RIMBP2: variants seen among roughly 807,000 people sequenced by gnomAD.
RIMBP2 encodes RIMS-binding protein 2.
Under a neutral mutation model 118.6 loss-of-function variants are expected in RIMBP2, and 48 were observed. The ratio of observed to expected loss-of-function variants is 0.40; its 90% confidence interval spans 0.32 to 0.51. The LOEUF is 0.51. RIMBP2 is among the 20% of genes least tolerant of loss of function. RIMBP2 has a pLI of 0.41. For synonymous variants in RIMBP2, 762 were observed against 742.9 expected (o/e 1.03, Z -0.42); for missense variants, 1,551 against 1,768.3 (o/e 0.88, Z 2.20).
chr12:130,428,325 G>A lies in RIMBP2; in HGVS notation c.2266C>T (p.His756Tyr), dbSNP rs2076926474. Reference sequence around the variant, plus strand: ...CTCTCTGTGTGGTACTCGTCTCCATGGCAACAGTGCGGCTGGGGGCCAAGA... The same window carrying A: ...CTCTCTGTGTGGTACTCGTCTCCATAGCAACAGTGCGGCTGGGGGCCAAGA... Reference protein sequence around the residue: ...SELGKQPHCCHGDEYHTESSR... With the variant: ...SELGKQPHCCYGDEYHTESSR... Residue 756 changes from histidine (H) to tyrosine (Y), a missense_variant, in exon 15 of 23, where the codon CAT becomes TAT. Around this residue, in one of 5 missense-constraint regions of RIMBP2, gnomAD observed 1,038 missense variants for 1,125.1 expected, o/e 0.92. Transcript: ENST00000690449. The A allele has an allele frequency of 1.2e-6, 2 of 1,609,456 alleles. No individual in the cohort carries two copies. The highest frequency in any genetic ancestry group is 2.2e-5 in the South Asian group (2 of 90,142).
At chr12:130,520,955 C>T (rs73452762) in intron 2 of RIMBP2, among the ~76,000 whole-genome samples, 2,859 of 152,298 alleles carry the variant, frequency 0.019, 98 homozygotes, top group African/African-American at 0.065. Context: ...CAGAGGTGGG[C>T]ATGGGGACGT....
At chr12:130,663,912 T>G (rs1191680203) in intron 1 of RIMBP2, among the ~76,000 whole-genome samples, 1 of 151,618 alleles carries the variant, frequency 6.6e-6, no homozygotes, top group East Asian at 1.9e-4. Flanking sequence ...TGCTCACACA[T>G]ACGAGGCAGG....
rs758094489 is a variant in RIMBP2, at chr12:130,475,149, G to A, written c.102+3763C>T. ...TCATTGTCCCTGGATTCCGGGAGGAGAGCCCTGGGCACTTTCATCACTCAT... is the reference window on the plus strand; with the variant it reads ...TCATTGTCCCTGGATTCCGGGAGGAAAGCCCTGGGCACTTTCATCACTCAT... On this transcript the variant is annotated intron_variant, in intron 5 of 22. Coordinates refer to ENST00000690449, the MANE Select transcript of RIMBP2 (RefSeq NM_001393629.1). The surrounding 1 kb of genome is among the most constrained non-coding windows in gnomAD (Gnocchi z 4.1). Among the ~76,000 whole-genome samples, 3 of 152,220 alleles carry A rather than the reference G, an allele frequency of 2.0e-5. No homozygotes were observed. Among genetic ancestry groups the A allele is most frequent in the Non-Finnish European group, 4.4e-5 (3 of 68,052 alleles).
intron 2 of RIMBP2, among the ~76,000 whole-genome samples, chr12:130,605,711 G>A (rs967334703): frequency 6.6e-6 from 1 of 152,196 alleles, no homozygotes; most frequent in African/African-American, 2.4e-5. Context: ...TGTGCTGTGT[G>A]GGGGTTCATT....
intron 6 of RIMBP2, among the ~76,000 whole-genome samples, chr12:130,466,730 T>C (rs948739327): frequency 6.6e-6 from 1 of 152,220 alleles, no homozygotes; most frequent in Non-Finnish European, 1.5e-5. Flanking sequence ...ACAGTTCCGC[T>C]GAAGTTCACC....
chr12:130,481,969 T>C (rs538150266), intron 4 of RIMBP2, among the ~76,000 whole-genome samples: 11 of 144,264 alleles, frequency 7.6e-5, no homozygotes, highest in African/African-American at 2.7e-4. Context: ...CACCACCAGT[T>C]CACTGTGAGT....
intron 2 of RIMBP2, among the ~76,000 whole-genome samples, chr12:130,586,416 C>T (rs2058884500): frequency 6.6e-6 from 1 of 152,166 alleles, no homozygotes; most frequent in Non-Finnish European, 1.5e-5. Flanking sequence ...AACGCCACAG[C>T]ACTCGAGCCT....
intron 2 of RIMBP2, among the ~76,000 whole-genome samples, chr12:130,615,272 C>CATATAT (rs1555309104): frequency 1.5e-4 from 6 of 38,802 alleles, no homozygotes; most frequent in Non-Finnish European, 1.8e-4. Context: ...ACATAATACA[C>CATATAT]ATACATATAT....
rs1024915457 is a variant in RIMBP2 at position 130,396,595 on chromosome 12, C to T, written c.*766G>A. ...GTATTTGGGTATGGCATTTTGACAA[C>T]GAAAGTAACAGAAAACCATATGCCA... On this transcript the variant is annotated 3_prime_UTR_variant, in exon 23 of 23. Transcript: ENST00000690449. The T allele has an allele frequency of 4.6e-5, 7 of 152,508 alleles. No homozygotes were observed. Among genetic ancestry groups the T allele is most frequent in the Non-Finnish European group, 7.4e-5 (5 of 68,024 alleles). The allele number at this position is 152,508 out of a possible 1,614,324, so 9.4% of individuals were successfully genotyped here. A position where few individuals can be genotyped will look rare whatever the true frequency, so the allele number is the denominator to read the frequency against.
At position 130,442,013 on chromosome 12, in the gene RIMBP2, C is replaced by G; in HGVS notation, c.1339G>C (p.Asp447His). 6.2e-7 allele frequency: 1 copy of G among 1,614,152 alleles called. No individual in the cohort carries two copies. Among genetic ancestry groups the G allele is most frequent in the Non-Finnish European group, 8.5e-7 (1 of 1,180,050 alleles). Reference sequence around the variant, plus strand: ...TTGTACCTGGCGGCCTTGACGATGTCGAACTCCTCCTCGTTGAGGAAGATG... The same window carrying G: ...TTGTACCTGGCGGCCTTGACGATGTGGAACTCCTCCTCGTTGAGGAAGATG... Reference protein sequence around the residue: ...HVIFLNEEEFDIVKAARYKYQ... With the variant: ...HVIFLNEEEFHIVKAARYKYQ... Residue 447 changes from aspartate (D) to histidine (H), a missense_variant, in exon 11 of 23, where the codon GAC becomes CAC. Physicochemically the swap from Asp to His is moderately conservative, Grantham distance 81 (BLOSUM62 -1). Around this residue, in one of 5 missense-constraint regions of RIMBP2, gnomAD observed 265 missense variants for 349.5 expected, o/e 0.76. Transcript: ENST00000690449. This position sits in a 1 kb window ranked among gnomAD's most constrained non-coding sequence, Gnocchi z 6.9.
intron 6 of RIMBP2, among the ~76,000 whole-genome samples, chr12:130,460,886 C>T (rs1304820547): frequency 6.6e-6 from 1 of 152,172 alleles, no homozygotes; most frequent in East Asian, 1.9e-4. Context: ...ACAGTCCCCT[C>T]ACCCAACTGG....
At position 130,523,123 on chromosome 12, in the gene RIMBP2, C is replaced by T. The variant is rs1566191809; in HGVS notation, c.-216-5206G>A. Among the ~76,000 whole-genome samples the T allele has an allele frequency of 6.6e-6, 1 of 152,058 alleles. No homozygotes were observed. Among genetic ancestry groups the T allele is most frequent in the Non-Finnish European group, 1.5e-5 (1 of 68,008 alleles). On this transcript the variant is annotated intron_variant, in intron 2 of 22. Transcript: ENST00000690449. This position sits in a 1 kb window ranked among gnomAD's most constrained non-coding sequence, Gnocchi z 4.4. The stretch of plus-strand genomic sequence containing the variant: ...GCTTCTTCTGTCTCTCCCAGTCTCA[C>T]TCTGCCTCTCTCTCTCTCTCTGCCT...
chr12:130,670,640 C>T lies in RIMBP2; in HGVS notation c.-351-42184G>A, dbSNP rs1173958592. ...AGTACCCTTCTCTCACACCCGCCTC[C>T]ACTAGAGAGGCTGGAAAGGAGAAAC... On this transcript the variant is annotated intron_variant, in intron 1 of 22. Transcript: ENST00000690449. The surrounding 1 kb of genome is among the most constrained non-coding windows in gnomAD (Gnocchi z 4.9). Among the ~76,000 whole-genome samples, 1 of 148,742 alleles carries T rather than the reference C, an allele frequency of 6.7e-6. No homozygotes were observed. The highest frequency in any genetic ancestry group is 1.9e-4 in the East Asian group (1 of 5,194).
chr12:130,447,093 G>A lies in RIMBP2; in HGVS notation c.582-1824C>T. Among the ~76,000 whole-genome samples the A allele has an allele frequency of 6.6e-6, 1 of 151,842 alleles. No homozygotes were observed. The highest frequency in any genetic ancestry group is 6.6e-5 in the Admixed American group (1 of 15,238). ...TCTCGGAGGAGGAGGAGGAGGAGGA[G>A]GGAGCGAGAGGAACAGGAGCCCCCA... On this transcript the variant is annotated intron_variant, in intron 9 of 22. Coordinates refer to ENST00000690449, the MANE Select transcript of RIMBP2 (RefSeq NM_001393629.1). The surrounding 1 kb of genome is among the most constrained non-coding windows in gnomAD (Gnocchi z 4.4).
intron 1 of RIMBP2, among the ~76,000 whole-genome samples, chr12:130,651,646 G>A (rs565484472): frequency 1.1e-4 from 17 of 152,352 alleles, no homozygotes; most frequent in African/African-American, 4.1e-4. Context: ...AACACCCTTC[G>A]AGCTGAATCT....
In RIMBP2 at chr12:130,442,354, C is replaced by T; in HGVS notation, c.998G>A (p.Gly333Asp). Residue 333 changes from glycine to aspartate, a missense_variant, in exon 11 of 23, where the codon GGC (glycine) becomes GAC (aspartate). Transcript: ENST00000690449. This position sits in a 1 kb window ranked among gnomAD's most constrained non-coding sequence, Gnocchi z 6.9. ...TGGTGGCACCGCCGGGGGCTCCCAG[C>T]CCACAATAACACTTTTGGCGAGTTG... ...IKQLAKSVIVGWEPPAVPPGW... is the reference protein window; with the variant it reads ...IKQLAKSVIVDWEPPAVPPGW... The T allele has an allele frequency of 1.9e-6, 3 of 1,614,198 alleles. No individual in the cohort carries two copies. Among genetic ancestry groups the T allele is most frequent in the Non-Finnish European group, 2.5e-6 (3 of 1,180,036 alleles).
At chr12:130,565,583 A>T (rs1392596237) in intron 2 of RIMBP2, among the ~76,000 whole-genome samples, 1 of 152,164 alleles carries the variant, frequency 6.6e-6, no homozygotes, top group Non-Finnish European at 1.5e-5. Flanking sequence ...GCCATTCCCC[A>T]TTTTATCACT....
chr12:130,544,881 T>C lies in RIMBP2; in HGVS notation c.-216-26964A>G, dbSNP rs113707294. Among the ~76,000 whole-genome samples the C allele has an allele frequency of 8.1e-3, 1,230 of 152,228 alleles. 27 individuals carry two copies. The highest frequency in any genetic ancestry group is 0.028 in the African/African-American group (1,158 of 41,528). On this transcript the variant is annotated intron_variant, in intron 2 of 22. Transcript: ENST00000690449. ...GAACTGGAGGCCTTTATACTTCAGG[T>C]TGCATACTAAGACAGATGGAGAGAG...
chr12:130,548,441 C>G (rs1167496847), intron 2 of RIMBP2, among the ~76,000 whole-genome samples: 1 of 152,158 alleles, frequency 6.6e-6, no homozygotes. Context: ...TGTGATCTCC[C>G]CAGCTTATCA....
Sources: allele counts gnomAD v4.1 joint callset (sites outside exome capture counted in the v4.1 genomes callset), GRCh38; gene constraint gnomAD v4.1.1; regional missense constraint gnomAD v4.1.1; non-coding constraint Gnocchi (gnomAD v3.1); transcripts MANE v1.5; gene names NCBI Gene and HGNC (gene_info 2026-07-23, HGNC 2026-07-21).